PARVB: variants seen among roughly 807,000 people sequenced by gnomAD.
PARVB encodes the protein parvin beta, also known as beta-parvin.
In PARVB, 46 loss-of-function variants were observed where a neutral mutation model predicts 47.0. The observed-to-expected ratio is 0.98, with a 90% CI of 0.77 to 1.25. PARVB has a LOEUF of 1.25. Ranked by LOEUF, PARVB falls within the 50% of genes most tolerant of loss-of-function variation. PARVB has a pLI of 0.00. For synonymous variants in PARVB, 196 were observed against 196.3 expected (o/e 1.00, Z 0.01); for missense variants, 473 against 471.6 (o/e 1.00, Z -0.03).
At position 44,172,681 on chromosome 22, in the gene PARVB, T is replaced by A. The variant is rs1601720130; in HGVS notation, c.*4003T>A. On this transcript the variant is annotated 3_prime_UTR_variant, in exon 13 of 13. Coordinates refer to ENST00000338758, the MANE Select transcript of PARVB (RefSeq NM_013327.5). ...AAAGCAACTGAATCCTTTCCCCCTG[T>A]TTTGTGTGCCAGTATTTTACTGTCT... 7.8e-6 allele frequency: 2 copies of A among 255,164 alleles called. No homozygotes were observed. Among genetic ancestry groups the A allele is most frequent in the East Asian group, 2.8e-4 (2 of 7,196 alleles). The allele number at this position is 255,164 out of a possible 1,614,324, so 15.8% of individuals were successfully genotyped here.
rs575824556 is a variant in PARVB at position 44,096,055 on chromosome 22, C to G, written c.202+2038C>G. On this transcript the variant is annotated intron_variant, in intron 2 of 12. Transcript: ENST00000338758. ...CCTGGCCAACATGGCAAAACCCTGTCTCTACTAAAAAATACAAAAATTGGC... is the reference window on the plus strand; with the variant it reads ...CCTGGCCAACATGGCAAAACCCTGTGTCTACTAAAAAATACAAAAATTGGC... 2.0e-5 allele frequency among the ~76,000 whole-genome samples: 3 copies of G among 152,274 alleles called. No homozygotes were observed. In the South Asian group the frequency reaches 6.2e-4, roughly 32 times the overall value.
chr22:44,085,827 TGTTA>T (rs929942453), intron 1 of PARVB, among the ~76,000 whole-genome samples: 3 of 152,068 alleles, frequency 2.0e-5, no homozygotes, highest in Admixed American at 1.3e-4. Flanking sequence ...CATCCACCAG[TGTTA>T]GTTAGATCAG....
intron 3 of PARVB, 51 bp downstream of exon 3, chr22:44,100,174 C>T: frequency 6.9e-7 from 1 of 1,453,728 alleles, no homozygotes; most frequent in Non-Finnish European, 9.7e-7. Flanking sequence ...GAGGACTTGG[C>T]TTTGGGGTTC....
At position 44,168,874 on chromosome 22, in the gene PARVB, T is replaced by C. The variant is rs1234408936; in HGVS notation, c.*196T>C. On this transcript the variant is annotated 3_prime_UTR_variant, in exon 13 of 13. Transcript: ENST00000338758. ...GTTGTTGTTCTTAATCTCCTCTCCA[T>C]GTAGTTCCCAGTGGGCAAGAGCCTT... is the stretch of plus-strand genomic sequence containing the variant. 7.3e-6 allele frequency: 4 copies of C among 547,978 alleles called. No homozygotes were observed. The highest frequency in any genetic ancestry group is 3.1e-5 in the East Asian group (1 of 32,580). 33.9% of individuals were successfully genotyped at this position (547,978 alleles called of 1,614,324 possible). A position where few individuals can be genotyped will look rare whatever the true frequency, so the allele number is the denominator to read the frequency against.
intron 11 of PARVB, among the ~76,000 whole-genome samples, chr22:44,158,769 T>C (rs1482890359): frequency 6.6e-6 from 1 of 152,276 alleles, no homozygotes; most frequent in Non-Finnish European, 1.5e-5. Context: ...CAGCAGTATT[T>C]AGCACATTGC....
chr22:44,055,331 G>A (rs1015663708), intron 1 of PARVB, among the ~76,000 whole-genome samples: 2 of 151,864 alleles, frequency 1.3e-5, no homozygotes, highest in Admixed American at 6.6e-5. Flanking sequence ...TGGGAGATAT[G>A]TAGCTCTCTC....
chr22:44,056,074 G>A (rs78434493), intron 1 of PARVB, among the ~76,000 whole-genome samples: 2,257 of 152,306 alleles, frequency 0.015, 67 homozygotes, highest in African/African-American at 0.046. Context: ...TTTTGCACAC[G>A]CATGCATCTC....
At chr22:44,086,600 C>A in intron 1 of PARVB, 1 of 224,310 alleles carries the variant, frequency 4.5e-6, no homozygotes, top group Non-Finnish European at 7.5e-6. Flanking sequence ...GAAAAGACTG[C>A]CCAACAGCAT....
At chr22:44,015,511 T>A (rs1213876053) in intron 2 of PARVB, among the ~76,000 whole-genome samples, 1 of 152,130 alleles carries the variant, frequency 6.6e-6, no homozygotes, top group Non-Finnish European at 1.5e-5. Flanking sequence ...AGACAGAGAA[T>A]CCATCTACAT....
intron 2 of PARVB, among the ~76,000 whole-genome samples, chr22:43,999,843 A>AG: frequency 7.2e-6 from 1 of 138,334 alleles, no homozygotes; most frequent in East Asian, 2.2e-4. Context: ...TGAAAAAAAA[A>AG]AAAAAAAAAA....
chr22:44,067,898 T>G (rs927024067), intron 1 of PARVB, among the ~76,000 whole-genome samples: 12 of 152,210 alleles, frequency 7.9e-5, no homozygotes, highest in Non-Finnish European at 1.6e-4. Context: ...GCTTGGTTTG[T>G]GCCGTGGGAG....
At chr22:44,147,962 C>T in intron 9 of PARVB, 40 bp downstream of exon 9, 2 of 1,563,120 alleles carry the variant, frequency 1.3e-6, no homozygotes, top group Non-Finnish European at 1.8e-6. Context: ...TCTCCCCTGG[C>T]TCGCGGCTTT....
At chr22:44,066,813 C>CCTCCTCCTT (rs2051543205) in intron 1 of PARVB, among the ~76,000 whole-genome samples, 1 of 139,378 alleles carries the variant, frequency 7.2e-6, no homozygotes, top group African/African-American at 2.6e-5. Flanking sequence ...TCCTCCTCCT[C>CCTCCTCCTT]CTCCTCCTCT....
chr22:44,022,595 G>C (rs2050663168), upstream of PARVB, among the ~76,000 whole-genome samples: 1 of 152,026 alleles, frequency 6.6e-6, no homozygotes, highest in East Asian at 1.9e-4. Flanking sequence ...CTGGGGGGCA[G>C]CCAGCACAAA....
intron 12 of PARVB, among the ~76,000 whole-genome samples, chr22:44,167,566 GC>G (rs2054195147): frequency 6.6e-6 from 1 of 152,048 alleles, no homozygotes; most frequent in Non-Finnish European, 1.5e-5. Flanking sequence ...TGTCCTTGCT[GC>G]CCCCCTCGCC....
chr22:44,165,103 C>G (rs1416536213), intron 12 of PARVB, among the ~76,000 whole-genome samples: 1 of 152,170 alleles, frequency 6.6e-6, no homozygotes, highest in Non-Finnish European at 1.5e-5. Flanking sequence ...CAGCATCCTC[C>G]CACCTCAGTC....
At chr22:44,157,930 C>A in intron 10 of PARVB, 52 bp from the exon 11 acceptor site, 1 of 1,320,694 alleles carries the variant, frequency 7.6e-7, no homozygotes, top group Non-Finnish European at 1.1e-6. Flanking sequence ...TTGTGCAAAG[C>A]ATTTGCCAAC....
At chr22:44,117,804 C>G (rs1013174458) in intron 3 of PARVB, among the ~76,000 whole-genome samples, 2 of 145,716 alleles carry the variant, frequency 1.4e-5, no homozygotes, top group East Asian at 2.0e-4. Context: ...CTCCCATTTC[C>G]GAGAGGTTAC....
chr22:44,016,099 C>CTTTTTTTTTT (rs562590606), intron 2 of PARVB, among the ~76,000 whole-genome samples: 1 of 129,190 alleles, frequency 7.7e-6, no homozygotes, highest in Non-Finnish European at 1.6e-5. Context: ...TTCTTTCTTT[C>CTTTTTTTTTT]TTTTTTTTTT....
Sources: gnomAD v4.1 joint callset for allele counts (sites outside exome capture counted in the v4.1 genomes callset) on GRCh38, gnomAD v4.1.1 for gene constraint, MANE v1.5 for transcripts, NCBI Gene and HGNC (gene_info 2026-07-23, HGNC 2026-07-21) for gene names.